UBE2Z: variants seen among roughly 807,000 people sequenced by gnomAD.
UBE2Z encodes the protein ubiquitin-conjugating enzyme E2 Z.
A neutral mutation model predicts 32.6 loss-of-function variants in UBE2Z; 10 were observed. The ratio of observed to expected loss-of-function variants is 0.31; its 90% confidence interval spans 0.19 to 0.52. UBE2Z has a LOEUF of 0.52. Ranked by LOEUF, UBE2Z falls within the 20% of genes least tolerant of loss-of-function variation. UBE2Z has a pLI of 0.97. For synonymous variants in UBE2Z, 183 were observed against 190.8 expected, an observed-to-expected ratio of 0.96 and a Z score of 0.34; for missense variants, 343 against 480.9, an observed-to-expected ratio of 0.71 and a Z score of 2.68.
intron 5 of UBE2Z, among the ~76,000 whole-genome samples, chr17:48,922,334 C>T (rs1047246768): frequency 6.6e-6 from 1 of 152,010 alleles, no homozygotes; most frequent in Admixed American, 6.6e-5. Flanking sequence ...TTGCAGTGAG[C>T]CGAGATTGCG....
intron 5 of UBE2Z, among the ~76,000 whole-genome samples, 195 bp downstream of exon 5, chr17:48,921,467 A>G (rs186452692): frequency 6.6e-6 from 1 of 152,342 alleles, no homozygotes; most frequent in Non-Finnish European, 1.5e-5. Flanking sequence ...GGAGAATGCC[A>G]TGCCTTTGGG....
At chr17:48,926,207 T>C (rs1037531274) in intron 6 of UBE2Z, among the ~76,000 whole-genome samples, 3 of 152,156 alleles carry the variant, frequency 2.0e-5, no homozygotes, top group African/African-American at 7.2e-5. Context: ...TCAGAACTCT[T>C]GAATTCTAGA....
At chr17:48,908,986 C>T (rs2040652200) in intron 1 of UBE2Z, 166 bp downstream of exon 1, 3 of 376,960 alleles carry the variant, frequency 8.0e-6, no homozygotes, top group South Asian at 3.2e-5. Flanking sequence ...ATCCAACTCC[C>T]TTCTCCCCCC....
In UBE2Z at chr17:48,912,970, G is replaced by A; in HGVS notation, c.527G>A (p.Arg176Lys). The change falls in exon 3 of 7, where the codon AGG (arginine) becomes AAG (lysine). Residue 176 changes from arginine (R) to lysine (K), a missense_variant. By Grantham distance (26) the Arg-to-Lys change is conservative. Transcript: ENST00000360943. ...ATGACAACGGGCAATAACACAGTGAGGTTTAACCCCAACTTCTACCGCAAT... is the reference window on the plus strand; with the variant it reads ...ATGACAACGGGCAATAACACAGTGAAGTTTAACCCCAACTTCTACCGCAAT... The part of the protein sequence containing the change: ...KLMTTGNNTV[R>K]FNPNFYRNGK... 6.2e-7 allele frequency: 1 copy of A among 1,613,950 alleles called. No individual in the cohort carries two copies. The highest frequency in any genetic ancestry group is 8.5e-7 in the Non-Finnish European group (1 of 1,179,880).
chr17:48,922,735 C>G, intron 5 of UBE2Z, 112 bp from the exon 6 acceptor site: 1 of 722,376 alleles, frequency 1.4e-6, no homozygotes. Context: ...CCACTGCACT[C>G]CAACATGGGC....
In UBE2Z at chr17:48,912,991, G is replaced by T. The variant is rs144649420; in HGVS notation, c.548G>T (p.Arg183Leu). Reference protein sequence around the residue: ...NTVRFNPNFYRNGKVCLSILG... With the variant: ...NTVRFNPNFYLNGKVCLSILG... ...GTGAGGTTTAACCCCAACTTCTACCGCAATGGGAAAGTCTGCTTGAGTATT... is the reference window on the plus strand; with the variant it reads ...GTGAGGTTTAACCCCAACTTCTACCTCAATGGGAAAGTCTGCTTGAGTATT... The change falls in exon 3 of 7, where the codon CGC becomes CTC. Residue 183 changes from arginine to leucine, a missense_variant. This residue lies in a region of UBE2Z where 182 missense variants were observed against 312.4 expected (regional missense o/e 0.58). Transcript: ENST00000360943. 3.1e-6 allele frequency: 5 copies of T among 1,613,846 alleles called. No homozygotes were observed. The highest frequency in any genetic ancestry group is 1.1e-5 in the South Asian group (1 of 91,074).
chr17:48,926,732 C>G (rs1420951897), intron 6 of UBE2Z, among the ~76,000 whole-genome samples: 1 of 152,152 alleles, frequency 6.6e-6, no homozygotes, highest in Non-Finnish European at 1.5e-5. Flanking sequence ...CCGCCCGCCT[C>G]GGCCGCCCAA....
chr17:48,920,664 C>T (rs1271722536), intron 4 of UBE2Z, among the ~76,000 whole-genome samples: 1 of 152,034 alleles, frequency 6.6e-6, no homozygotes. Flanking sequence ...TGCCGCTGCA[C>T]TCCAGCCTGG....
intron 1 of UBE2Z, chr17:48,910,594 C>A (rs1567776876): frequency 4.4e-6 from 2 of 450,616 alleles, no homozygotes; most frequent in Non-Finnish European, 4.0e-6. Flanking sequence ...CCTGAGGAAA[C>A]AATGCCCTTT....
At chr17:48,916,250 G>GTTTTTTTTTTTTTTTTT (rs1234372680) in intron 4 of UBE2Z, 63 bp downstream of exon 4, 2 of 517,918 alleles carry the variant, frequency 3.9e-6, no homozygotes, top group Non-Finnish European at 5.9e-6. Context: ...TGGTTGGTTG[G>GTTTTTTTTTTTTTTTTT]TTTTTTTGTT....
At position 48,912,688 on chromosome 17, in the gene UBE2Z, G is replaced by A. The variant is rs3744607; in HGVS notation, c.391-146G>A. 7.5e-6 allele frequency: 6 copies of A among 800,182 alleles called. No homozygotes were observed. In the East Asian group the frequency reaches 1.5e-4, roughly 20 times the overall value. 49.6% of individuals were successfully genotyped at this position (800,182 alleles called of 1,614,324 possible). ...TACGTATTAGTATGAGTGAATACAG[G>A]ATGTTCCTTCTGCATGGTGAGGATA... On this transcript the variant is annotated intron_variant, in intron 2 of 6. Transcript: ENST00000360943.
chr17:48,909,011 A>G, intron 1 of UBE2Z, 191 bp downstream of exon 1: 2 of 189,276 alleles, frequency 1.1e-5, no homozygotes, highest in Non-Finnish European at 1.9e-5. Context: ...TCAGACCCGC[A>G]AGCACCAACC....
rs2040808565 is a variant in UBE2Z at position 48,927,952 on chromosome 17, T to C, written c.*818T>C. On this transcript the variant is annotated 3_prime_UTR_variant, in exon 7 of 7. Coordinates refer to ENST00000360943, the MANE Select transcript of UBE2Z (RefSeq NM_023079.5). ...AAAAGTTCCCAACACAGGCAGCTGC[T>C]GTGTATATGGGATTAGAGCCACTAC... The C allele has an allele frequency of 6.6e-6, 1 of 152,508 alleles. No homozygotes were observed. The highest frequency in any genetic ancestry group is 1.5e-5 in the Non-Finnish European group (1 of 68,056). 9.4% of individuals were successfully genotyped at this position (152,508 alleles called of 1,614,324 possible).
intron 5 of UBE2Z, among the ~76,000 whole-genome samples, chr17:48,922,475 G>A (rs1390503576): frequency 6.6e-6 from 1 of 152,104 alleles, no homozygotes; most frequent in Non-Finnish European, 1.5e-5. Flanking sequence ...TGGCATTAAG[G>A]TTAGGTAAAG....
chr17:48,918,126 AGGG>A, intron 4 of UBE2Z, among the ~76,000 whole-genome samples: 1 of 150,896 alleles, frequency 6.6e-6, no homozygotes, highest in East Asian at 2.0e-4. Context: ...TTAGTAGAGA[AGGG>A]GTTTCACCAT....
chr17:48,908,458 C>T lies in UBE2Z; in HGVS notation c.-46C>T. The stretch of plus-strand genomic sequence containing the variant: ...GGAGCGGGCGGGAGCAGCGGCCGCT[C>T]TGGTCGGCGGACGTGCTGCCGAGTA... On this transcript the variant is annotated 5_prime_UTR_variant, in exon 1 of 7. Coordinates refer to ENST00000360943, the MANE Select transcript of UBE2Z (RefSeq NM_023079.5). 4.9e-6 allele frequency: 6 copies of T among 1,223,992 alleles called. No individual in the cohort carries two copies. The highest frequency in any genetic ancestry group is 6.1e-6 in the Non-Finnish European group (6 of 981,978). The allele number at this position is 1,223,992 out of a possible 1,614,324, so 75.8% of individuals were successfully genotyped here.
chr17:48,908,857 C>CA, intron 1 of UBE2Z, 37 bp downstream of exon 1: 1 of 1,431,594 alleles, frequency 7.0e-7, no homozygotes, highest in Non-Finnish European at 9.2e-7. Flanking sequence ...CCCCGAGCTC[C>CA]GGGGCTCGAC....
At chr17:48,923,855 C>T (rs2143775664) in intron 6 of UBE2Z, among the ~76,000 whole-genome samples, 1 of 152,180 alleles carries the variant, frequency 6.6e-6, no homozygotes, top group South Asian at 2.1e-4. Flanking sequence ...ACCTCAGCCT[C>T]CCAAGCTGGG....
chr17:48,911,085 G>A (rs2040673451), intron 2 of UBE2Z: 8 of 547,626 alleles, frequency 1.5e-5, no homozygotes, highest in Non-Finnish European at 2.6e-5. Flanking sequence ...GTACCCCATA[G>A]GTACTGATTG....
Sources: allele counts gnomAD v4.1 joint callset (sites outside exome capture counted in the v4.1 genomes callset), GRCh38; gene constraint gnomAD v4.1.1; regional missense constraint gnomAD v4.1.1; transcripts MANE v1.5; gene names NCBI Gene and HGNC (gene_info 2026-07-23, HGNC 2026-07-21).